PIK3C3: variants seen among roughly 807,000 people sequenced by gnomAD.
PIK3C3 encodes the protein PI3-kinase type 3.
In PIK3C3, 95 loss-of-function variants were observed where a neutral mutation model predicts 126.1. The ratio of observed to expected loss-of-function variants is 0.75; its 90% confidence interval spans 0.64 to 0.89. PIK3C3 has a LOEUF of 0.89. Among genes scored for constraint, PIK3C3 ranks in the 40% least tolerant of loss-of-function variants. The pLI is 0.00. For synonymous variants in PIK3C3, 374 were observed against 360.0 expected, an observed-to-expected ratio of 1.04 and a Z score of -0.44; for missense variants, 829 against 1,063.2, an observed-to-expected ratio of 0.78 and a Z score of 3.06.
At position 42,057,846 on chromosome 18, in the gene PIK3C3, A is replaced by G. The variant is rs758489577; in HGVS notation, c.2264-37A>G. 1.0e-5 allele frequency: 16 copies of G among 1,599,906 alleles called. No homozygotes were observed. In the Admixed American group the frequency reaches 2.7e-4, roughly 27 times the overall value. ...TATCACCTACCCAGTTCTTTAAGAT[A>G]ATTCTGGAAACAAATGAGTTTCTTG... is the stretch of plus-strand genomic sequence containing the variant. On this transcript the variant is annotated intron_variant, in intron 21 of 24. Transcript: ENST00000262039.
At chr18:42,050,782 G>A (rs977222686) in intron 21 of PIK3C3, 4 of 152,306 alleles carry the variant, frequency 2.6e-5, no homozygotes, top group Admixed American at 6.5e-5. Flanking sequence ...TTGGGGCCTT[G>A]TGGCTTGTCC....
intron 15 of PIK3C3, among the ~76,000 whole-genome samples, chr18:42,029,643 A>G (rs542706745): frequency 6.8e-6 from 1 of 147,342 alleles, no homozygotes; most frequent in Admixed American, 7.1e-5. Context: ...CCTGGGTTCA[A>G]TCAATTCTCA....
At chr18:42,009,241 TG>T (rs1982689792) in intron 10 of PIK3C3, among the ~76,000 whole-genome samples, 2 of 152,184 alleles carry the variant, frequency 1.3e-5, no homozygotes, top group African/African-American at 2.4e-5. Flanking sequence ...TAGAGAGACT[TG>T]ATTTCCCTGA....
chr18:41,968,922 A>G (rs766096471), intron 3 of PIK3C3, among the ~76,000 whole-genome samples: 4 of 151,988 alleles, frequency 2.6e-5, no homozygotes, highest in African/African-American at 9.7e-5. Context: ...GGCTTAAGCA[A>G]TCCTCCTGCC....
chr18:41,973,691 C>A (rs1328964278), intron 4 of PIK3C3, among the ~76,000 whole-genome samples: 1 of 152,030 alleles, frequency 6.6e-6, no homozygotes, highest in African/African-American at 2.4e-5. Context: ...TTGTCACTCT[C>A]TTTCTCAAAA....
chr18:42,071,507 G>A (rs867242561), intron 24 of PIK3C3, among the ~76,000 whole-genome samples: 125 of 152,206 alleles, frequency 8.2e-4, no homozygotes, highest in African/African-American at 2.7e-3. Context: ...ATCACATGAG[G>A]TCAGGAGTTT....
At chr18:42,006,768 A>T (rs1485567057) in intron 10 of PIK3C3, among the ~76,000 whole-genome samples, 1 of 151,276 alleles carries the variant, frequency 6.6e-6, no homozygotes, top group African/African-American at 2.4e-5. Flanking sequence ...GGCCTCTTTT[A>T]TAGGCTGTTG....
intron 10 of PIK3C3, among the ~76,000 whole-genome samples, chr18:42,004,962 A>G (rs1982472648): frequency 6.6e-6 from 1 of 152,212 alleles, no homozygotes; most frequent in Non-Finnish European, 1.5e-5. Flanking sequence ...TTTAAAGCTT[A>G]GAGATGCATG....
At chr18:42,023,102 AT>A (rs1288258781) in intron 13 of PIK3C3, among the ~76,000 whole-genome samples, 2 of 152,196 alleles carry the variant, frequency 1.3e-5, no homozygotes, top group Non-Finnish European at 2.9e-5. Context: ...TTTGCTAAGA[AT>A]TCATTTAGAG....
intron 10 of PIK3C3, among the ~76,000 whole-genome samples, chr18:42,005,834 C>T (rs1982518110): frequency 6.8e-6 from 1 of 147,358 alleles, no homozygotes; most frequent in South Asian, 2.2e-4. Flanking sequence ...TATAATGAAC[C>T]CCAACAAATA....
chr18:42,019,557 C>T (rs1983230036), intron 12 of PIK3C3, among the ~76,000 whole-genome samples: 1 of 152,072 alleles, frequency 6.6e-6, no homozygotes, highest in Non-Finnish European at 1.5e-5. Context: ...TTGTTTTTCT[C>T]TTCATCTGTC....
intron 10 of PIK3C3, among the ~76,000 whole-genome samples, chr18:42,007,839 G>C (rs980250499): frequency 6.6e-6 from 1 of 152,164 alleles, no homozygotes; most frequent in African/African-American, 2.4e-5. Flanking sequence ...GTGAATAAAA[G>C]TAGTTCAATA....
At chr18:41,982,455 G>A (rs919750739) in intron 4 of PIK3C3, among the ~76,000 whole-genome samples, 4 of 152,122 alleles carry the variant, frequency 2.6e-5, no homozygotes, top group Non-Finnish European at 5.9e-5. Flanking sequence ...TTAAATTAAT[G>A]AGATAGGGCT....
chr18:41,977,773 C>T (rs1023824935), intron 4 of PIK3C3, among the ~76,000 whole-genome samples: 1 of 152,192 alleles, frequency 6.6e-6, no homozygotes, highest in Non-Finnish European at 1.5e-5. Flanking sequence ...GTGTGAGCCA[C>T]CATGCCTGGG....
chr18:41,968,541 T>C (rs977601081), intron 3 of PIK3C3, among the ~76,000 whole-genome samples: 4 of 152,196 alleles, frequency 2.6e-5, no homozygotes, highest in African/African-American at 9.7e-5. Flanking sequence ...GCAAATACAG[T>C]TACTAGAATT....
chr18:41,969,847 C>A (rs1980564892), intron 3 of PIK3C3, among the ~76,000 whole-genome samples: 1 of 152,128 alleles, frequency 6.6e-6, no homozygotes, highest in African/African-American at 2.4e-5. Flanking sequence ...AAGTAGTTTA[C>A]CCTAGGTTAT....
intron 15 of PIK3C3, among the ~76,000 whole-genome samples, chr18:42,033,167 T>C (rs1428875790): frequency 2.6e-5 from 4 of 152,172 alleles, no homozygotes; most frequent in Non-Finnish European, 5.9e-5. Context: ...TGAAATTGAA[T>C]AGAAGGGGTT....
intron 7 of PIK3C3, among the ~76,000 whole-genome samples, chr18:41,995,195 A>G (rs989000830): frequency 6.6e-6 from 1 of 152,176 alleles, no homozygotes; most frequent in African/African-American, 2.4e-5. Flanking sequence ...AAGACAGTTA[A>G]CAAACTGGGA....
At chr18:42,051,341 A>G (rs1368931637) in intron 21 of PIK3C3, 1 of 152,182 alleles carries the variant, frequency 6.6e-6, no homozygotes, top group Non-Finnish European at 1.5e-5. Flanking sequence ...AAATAATTCA[A>G]GTTTCTTCCG....
Sources: allele counts gnomAD v4.1 joint callset (sites outside exome capture counted in the v4.1 genomes callset), GRCh38; gene constraint gnomAD v4.1.1; transcripts MANE v1.5; gene names NCBI Gene and HGNC (gene_info 2026-07-23, HGNC 2026-07-21).